Variants in CADM1 observed in about 807,000 individuals in gnomAD.
CADM1 encodes TSLC-1.
A neutral mutation model predicts 53.1 loss-of-function variants in CADM1; 15 were observed. That is an observed-to-expected ratio of 0.28 (90% CI 0.19 to 0.44). The LOEUF (loss-of-function observed/expected upper bound fraction) is 0.44, where lower values mean the gene tolerates loss of function less well. CADM1 is among the 20% of genes least tolerant of loss of function. The pLI is 1.00. For synonymous variants in CADM1, 281 were observed against 243.0 expected (o/e 1.16, Z -1.45); for missense variants, 434 against 611.3 (o/e 0.71, Z 3.06).
chr11:115,364,042 T>C (rs982523729), intron 1 of CADM1, among the ~76,000 whole-genome samples: 5 of 151,746 alleles, frequency 3.3e-5, no homozygotes, highest in Admixed American at 3.3e-4. Context: ...ATCCACTCTA[T>C]GATCCACAAA....
At chr11:115,244,670 A>G (rs182128227) in intron 1 of CADM1, among the ~76,000 whole-genome samples, 2 of 152,060 alleles carry the variant, frequency 1.3e-5, no homozygotes, top group Non-Finnish European at 2.9e-5. Flanking sequence ...CACAGCTTGC[A>G]CTCTTTACCA....
intron 1 of CADM1, among the ~76,000 whole-genome samples, chr11:115,468,682 A>G (rs1948946135): frequency 6.6e-6 from 1 of 152,152 alleles, no homozygotes; most frequent in Admixed American, 6.5e-5. Flanking sequence ...CATGCTCCAA[A>G]TTTTCATTTA....
chr11:115,231,221 A>C lies in CADM1; in HGVS notation c.562+132T>G, dbSNP rs150028427. ...TGCTTTGGCCTCAGACATATTTAGT[A>C]ACTGATTATAAACCATATCTAAATG... On this transcript the variant is annotated intron_variant, in intron 4 of 11. Coordinates refer to ENST00000331581, the MANE Select transcript of CADM1 (RefSeq NM_001301043.2). 8.4e-4 allele frequency: 848 copies of C among 1,007,510 alleles called. 7 individuals carry two copies. The highest frequency in any genetic ancestry group is 5.5e-3 in the Middle Eastern group (24 of 4,364). 62.4% of individuals were successfully genotyped at this position (1,007,510 alleles called of 1,614,324 possible).
chr11:115,476,800 T>C (rs1419486754), intron 1 of CADM1, among the ~76,000 whole-genome samples: 5 of 152,178 alleles, frequency 3.3e-5, no homozygotes, highest in Admixed American at 3.3e-4. Context: ...TTTGTCATCC[T>C]ACTATGCCAG....
At chr11:115,274,887 T>C (rs1301834789) in intron 1 of CADM1, among the ~76,000 whole-genome samples, 1 of 152,140 alleles carries the variant, frequency 6.6e-6, no homozygotes, top group Non-Finnish European at 1.5e-5. Context: ...TTTGGCCCCA[T>C]CTTGACTCCT....
intron 1 of CADM1, among the ~76,000 whole-genome samples, chr11:115,371,549 A>T (rs190589189): frequency 6.6e-6 from 1 of 152,176 alleles, no homozygotes; most frequent in East Asian, 1.9e-4. Context: ...AAGAAATAGT[A>T]AGATAATTTA....
In CADM1 at chr11:115,372,158, A is replaced by G. The variant is rs1946324317; in HGVS notation, c.125-131738T>C. ...ATATTCTTCACAGAATTCAATGCCAAAAAAAGTCTGTACTCCATGCAAATT... is the reference window on the plus strand; with the variant it reads ...ATATTCTTCACAGAATTCAATGCCAGAAAAAGTCTGTACTCCATGCAAATT... On this transcript the variant is annotated intron_variant, in intron 1 of 11. Transcript: ENST00000331581. 2.0e-5 allele frequency among the ~76,000 whole-genome samples: 3 copies of G among 152,196 alleles called. No individual in the cohort carries two copies. In the South Asian group the frequency reaches 6.2e-4, roughly 31 times the overall value.
chr11:115,484,198 C>T (rs1468114007), intron 1 of CADM1, among the ~76,000 whole-genome samples: 2 of 152,178 alleles, frequency 1.3e-5, no homozygotes, highest in African/African-American at 2.4e-5. Context: ...TTCATGACCC[C>T]CTACTAACTA....
intron 1 of CADM1, among the ~76,000 whole-genome samples, chr11:115,292,673 C>T (rs1157748146): frequency 6.6e-6 from 1 of 152,186 alleles, no homozygotes; most frequent in African/African-American, 2.4e-5. Flanking sequence ...ATATGTGTAT[C>T]AGGCAGAACA....
At chr11:115,397,858 C>G (rs1384831551) in intron 1 of CADM1, among the ~76,000 whole-genome samples, 1 of 152,180 alleles carries the variant, frequency 6.6e-6, no homozygotes, top group Non-Finnish European at 1.5e-5. Flanking sequence ...AACAATACCT[C>G]CCTAAACCCA....
chr11:115,307,638 T>A (rs986685527), intron 1 of CADM1, among the ~76,000 whole-genome samples: 10 of 151,806 alleles, frequency 6.6e-5, no homozygotes, highest in Admixed American at 2.0e-4. Context: ...TTCAGGTTCT[T>A]CTTGTCCTGC....
At chr11:115,340,658 A>ATATATATTTTTT (rs60532835) in intron 1 of CADM1, among the ~76,000 whole-genome samples, 2 of 34,934 alleles carry the variant, frequency 5.7e-5, no homozygotes, top group African/African-American at 2.8e-4. Context: ...ATATATATAT[A>ATATATATTTTTT]TTTTTTTTTT....
chr11:115,376,247 G>C (rs1434694402), intron 1 of CADM1, among the ~76,000 whole-genome samples: 1 of 152,126 alleles, frequency 6.6e-6, no homozygotes, highest in South Asian at 2.1e-4. Context: ...AGGATTAAAT[G>C]AGATACAACT....
chr11:115,452,114 T>G (rs548297446), intron 1 of CADM1, among the ~76,000 whole-genome samples: 1 of 144,492 alleles, frequency 6.9e-6, no homozygotes, highest in East Asian at 2.0e-4. Flanking sequence ...AATTTCTTTT[T>G]TAAAATTTCT....
At chr11:115,328,907 T>G (rs916536362) in intron 1 of CADM1, among the ~76,000 whole-genome samples, 2 of 149,414 alleles carry the variant, frequency 1.3e-5, no homozygotes, top group African/African-American at 4.9e-5. Flanking sequence ...CGGATGAGAT[T>G]ATGGCATTTT....
At chr11:115,196,609 A>AG in intron 9 of CADM1, among the ~76,000 whole-genome samples, 1 of 151,026 alleles carries the variant, frequency 6.6e-6, no homozygotes, top group East Asian at 1.9e-4. Flanking sequence ...AAAAAAAAAA[A>AG]AAAAAAAAAA....
rs1949517655 is a variant in CADM1 at position 115,492,460 on chromosome 11, C to CA, written c.124+11810dup. Among the ~76,000 whole-genome samples, 3 of 152,088 alleles carry CA rather than the reference C, an allele frequency of 2.0e-5. No homozygotes were observed. In the South Asian group the frequency reaches 6.2e-4, roughly 32 times the overall value. On this transcript the variant is annotated intron_variant, in intron 1 of 11. Coordinates refer to ENST00000331581, the MANE Select transcript of CADM1 (RefSeq NM_001301043.2). The stretch of plus-strand genomic sequence containing the variant: ...AACAATGATAGGAAAGAAATTAAAA[C>CA]AAAATATAAACAGAAATAAATGATC...
At chr11:115,226,667 G>C (rs1471926700) in intron 5 of CADM1, among the ~76,000 whole-genome samples, 1 of 152,172 alleles carries the variant, frequency 6.6e-6, no homozygotes, top group Non-Finnish European at 1.5e-5. Flanking sequence ...GCAGAGAGAG[G>C]ACGGCTGTGG....
chr11:115,328,495 C>T (rs886825852), intron 1 of CADM1, among the ~76,000 whole-genome samples: 27 of 151,276 alleles, frequency 1.8e-4, no homozygotes, highest in African/African-American at 6.5e-4. Flanking sequence ...GCCTACCATG[C>T]ACCATGACAG....
Sources: allele counts gnomAD v4.1 joint callset (sites outside exome capture counted in the v4.1 genomes callset), GRCh38; gene constraint gnomAD v4.1.1; transcripts MANE v1.5; gene names NCBI Gene and HGNC (gene_info 2026-07-23, HGNC 2026-07-21).